The following NFATC2 variants were observed in gnomAD, a reference collection of about 807,000 sequenced individuals.
NFATC2 encodes the protein nuclear factor of activated T-cells, cytoplasmic 2.
Under a neutral mutation model 87.3 loss-of-function variants are expected in NFATC2, and 22 were observed. The observed-to-expected ratio is 0.25, with a 90% confidence interval of 0.18 to 0.36. The LOEUF is 0.36. Ranked by LOEUF, NFATC2 falls within the 10% of genes least tolerant of loss-of-function variation. NFATC2 has a pLI of 1.00. For missense variants in NFATC2, 1,149 were observed against 1,259.1 expected (o/e 0.91, Z 1.32); for synonymous variants, 565 against 542.2 (o/e 1.04, Z -0.58).
intron 9 of NFATC2, among the ~76,000 whole-genome samples, chr20:51,416,658 T>C (rs567241740): frequency 5.4e-4 from 83 of 152,322 alleles, no homozygotes; most frequent in African/African-American, 1.8e-3. Context: ...ATGAAGCTGA[T>C]AGCTGCTCTC....
chr20:51,471,362 G>A (rs757654951), intron 5 of NFATC2, among the ~76,000 whole-genome samples: 14 of 152,186 alleles, frequency 9.2e-5, no homozygotes, highest in Non-Finnish European at 2.1e-4. Context: ...CATCTTGAGA[G>A]GTTCAAAACC....
intron 3 of NFATC2, among the ~76,000 whole-genome samples, chr20:51,506,427 G>A (rs769783581): frequency 1.8e-4 from 27 of 152,050 alleles, no homozygotes; most frequent in Non-Finnish European, 2.5e-4. Flanking sequence ...TTTGACATTC[G>A]CAATGTCTCC....
At position 51,475,623 on chromosome 20, in the gene NFATC2, T is replaced by C; in HGVS notation, c.1370A>G (p.Gln457Arg). Residue 457 changes from glutamine (Q) to arginine (R), a missense_variant, in exon 4 of 11, where the codon CAG becomes CGG. Gln to Arg is a conservative substitution (Grantham distance 43). This residue lies in a region of NFATC2 where 581 missense variants were observed against 649.7 expected (regional missense o/e 0.89). Coordinates refer to ENST00000371564, the MANE Select transcript of NFATC2 (RefSeq NM_012340.5). ...CTCATCAGCTGTCCCAATGAAGATCTGAAGTCCCAGAGGCTTGTTTTCCAT... is the reference window on the plus strand; with the variant it reads ...CTCATCAGCTGTCCCAATGAAGATCCGAAGTCCCAGAGGCTTGTTTTCCAT... ...GYMENKPLGL[Q>R]IFIGTADERI... 6.2e-7 allele frequency: 1 copy of C among 1,614,164 alleles called. No individual in the cohort carries two copies. Among genetic ancestry groups the C allele is most frequent in the Non-Finnish European group, 8.5e-7 (1 of 1,180,032 alleles).
intron 3 of NFATC2, among the ~76,000 whole-genome samples, chr20:51,509,056 C>G (rs891257609): frequency 3.3e-5 from 5 of 152,068 alleles, no homozygotes; most frequent in African/African-American, 9.7e-5. Flanking sequence ...CCTTCCCACA[C>G]AGGCCTCCTC....
intron 3 of NFATC2, among the ~76,000 whole-genome samples, chr20:51,503,641 T>C (rs948131739): frequency 3.9e-5 from 6 of 152,176 alleles, no homozygotes; most frequent in African/African-American, 1.2e-4. Flanking sequence ...GAGGACATGC[T>C]TGGGGGTGTC....
intron 10 of NFATC2, among the ~76,000 whole-genome samples, chr20:51,393,746 G>T (rs1453686187): frequency 1.3e-5 from 2 of 152,162 alleles, no homozygotes; most frequent in South Asian, 2.1e-4. Flanking sequence ...GATTCCAAAG[G>T]GCTTCCTGTT....
upstream of NFATC2, chr20:51,542,754 G>GT (rs1555819134): frequency 1.5e-4 from 72 of 476,958 alleles, 8 homozygotes; most frequent in Admixed American, 4.1e-4. Context: ...GGAGGCGGGG[G>GT]GGGGGGGGGC....
At chr20:51,394,352 C>G (rs6021175) in intron 10 of NFATC2, among the ~76,000 whole-genome samples, 7,840 of 152,170 alleles carry the variant, frequency 0.052, 679 homozygotes, top group African/African-American at 0.18. Flanking sequence ...AGTGCCCTTT[C>G]ACCATGCCAT....
intron 5 of NFATC2, among the ~76,000 whole-genome samples, chr20:51,457,096 C>A (rs1054404686): frequency 6.6e-6 from 1 of 152,272 alleles, no homozygotes; most frequent in Non-Finnish European, 1.5e-5. Flanking sequence ...CTGCTAATCT[C>A]TCCCACATGG....
chr20:51,476,600 C>T (rs367999381), intron 3 of NFATC2, among the ~76,000 whole-genome samples: 14 of 152,254 alleles, frequency 9.2e-5, no homozygotes, highest in African/African-American at 3.4e-4. Context: ...AAGTCTTTCT[C>T]CCAGAACTAA....
intron 3 of NFATC2, among the ~76,000 whole-genome samples, chr20:51,485,436 T>C (rs1989623615): frequency 6.6e-6 from 1 of 152,088 alleles, no homozygotes; most frequent in Admixed American, 6.5e-5. Flanking sequence ...AACATTCCCG[T>C]CCCCACCATC....
rs530928606 is a variant in NFATC2, at chr20:51,562,278, G to A, written c.70+282C>T. Among the ~76,000 whole-genome samples the A allele has an allele frequency of 2.6e-5, 4 of 152,358 alleles. No individual in the cohort carries two copies. In the South Asian group the frequency reaches 8.3e-4, roughly 32 times the overall value. On this transcript the variant is annotated intron_variant, in intron 1 of 10. Transcript: ENST00000414705. This position sits in a 1 kb window ranked among gnomAD's most constrained non-coding sequence, Gnocchi z 5.8. ...ATCCCTCCCGGTGTCCCGTGGAGAG[G>A]AAAATCCTCCCGACAGACTGGCCTA... is the stretch of plus-strand genomic sequence containing the variant.
At chr20:51,460,359 C>T (rs1365302596) in intron 5 of NFATC2, among the ~76,000 whole-genome samples, 2 of 152,068 alleles carry the variant, frequency 1.3e-5, no homozygotes, top group African/African-American at 4.8e-5. Flanking sequence ...CCTCAGTCTC[C>T]CCATCTGTAA....
rs989176701 is a variant in NFATC2 at position 51,432,814 on chromosome 20, G to A, written c.2033-58C>T. 15 of 1,436,746 alleles carry A rather than the reference G, an allele frequency of 1.0e-5. No homozygotes were observed. The highest frequency in any genetic ancestry group is 5.6e-5 in the South Asian group (4 of 71,116). The allele number at this position is 1,436,746 out of a possible 1,614,324, so 89.0% of individuals were successfully genotyped here. On this transcript the variant is annotated intron_variant, in intron 8 of 10. Transcript: ENST00000371564. This position sits in a 1 kb window ranked among gnomAD's most constrained non-coding sequence, Gnocchi z 4.6. ...ATGGCAGTGAGCCACGGATGTGCAC[G>A]GAGGATTCGTGGATGGTGCTTGAGA...
At chr20:51,545,482 T>C (rs2076881336), upstream of NFATC2, among the ~76,000 whole-genome samples, 1 of 152,268 alleles carries the variant, frequency 6.6e-6, no homozygotes, top group Non-Finnish European at 1.5e-5. Flanking sequence ...GCAGGGGCTA[T>C]GACCACCTCA....
intron 3 of NFATC2, among the ~76,000 whole-genome samples, chr20:51,513,993 G>A (rs1256971963): frequency 1.3e-5 from 2 of 152,212 alleles, no homozygotes; most frequent in Non-Finnish European, 2.9e-5. Flanking sequence ...CCATTTAATA[G>A]CCATAACCTT....
intron 9 of NFATC2, among the ~76,000 whole-genome samples, chr20:51,414,873 G>T (rs1979818355): frequency 6.6e-6 from 1 of 152,022 alleles, no homozygotes; most frequent in African/African-American, 2.4e-5. Context: ...GAACAGAAAG[G>T]TTTCTGTTTC....
Position 51,406,458 on chromosome 20 carries a change from G to A in NFATC2, c.2723-7728C>T, listed in dbSNP as rs935384975. Among the ~76,000 whole-genome samples, 109 of 152,198 alleles carry A rather than the reference G, an allele frequency of 7.2e-4. 1 individual carries two copies. The highest frequency in any genetic ancestry group is 3.4e-4 in the African/African-American group (14 of 41,450). On this transcript the variant is annotated intron_variant, in intron 9 of 10. Coordinates refer to ENST00000371564, the MANE Select transcript of NFATC2 (RefSeq NM_012340.5). Reference sequence around the variant, plus strand: ...TACTGAGATTTAAGAAGCAAAGAGCGGCTTGGCCCCCTCGGGACCACTATG... The same window carrying A: ...TACTGAGATTTAAGAAGCAAAGAGCAGCTTGGCCCCCTCGGGACCACTATG...
At chr20:51,511,724 C>CT (rs1202659400) in intron 3 of NFATC2, among the ~76,000 whole-genome samples, 2 of 152,246 alleles carry the variant, frequency 1.3e-5, no homozygotes, top group Non-Finnish European at 2.9e-5. Context: ...CCACCTTGAT[C>CT]TTTCCCCTGG....
Sources: gnomAD v4.1 joint callset for allele counts (sites outside exome capture counted in the v4.1 genomes callset) on GRCh38, gnomAD v4.1.1 for gene constraint, gnomAD v4.1.1 regional missense constraint, Gnocchi (gnomAD v3.1) non-coding constraint, MANE v1.5 for transcripts, NCBI Gene and HGNC (gene_info 2026-07-23, HGNC 2026-07-21) for gene names.